The following DCLK1 variants were observed in gnomAD, a reference collection of about 807,000 sequenced individuals.
DCLK1 encodes the protein serine/threonine-protein kinase DCLK1.
A neutral mutation model predicts 86.2 loss-of-function variants in DCLK1; 16 were observed. The ratio of observed to expected loss-of-function variants is 0.19; its 90% CI spans 0.13 to 0.28. The LOEUF (loss-of-function observed/expected upper bound fraction) is 0.28, where lower values mean the gene tolerates loss of function less well. Among genes scored for constraint, DCLK1 ranks in the 10% least tolerant of loss-of-function variants. The pLI, the probability that DCLK1 is intolerant of heterozygous loss-of-function variation, is 1.00. For missense variants in DCLK1, 590 were observed against 940.2 expected, an observed-to-expected ratio of 0.63 and a Z score of 4.87; for synonymous variants, 369 against 370.5, an observed-to-expected ratio of 1.00 and a Z score of 0.05.
Position 35,861,420 on chromosome 13 carries a change from T to C in DCLK1, c.941-6827A>G, listed in dbSNP as rs946802720. Among the ~76,000 whole-genome samples the C allele has an allele frequency of 5.9e-5, 9 of 152,124 alleles. No homozygotes were observed. The South Asian group carries it at 6.2e-4, about 10-fold the overall frequency. On this transcript the variant is annotated intron_variant, in intron 5 of 16. Transcript: ENST00000360631. ...GGATGAGGGTCCTGGGGTTGATCCCTACCAACCAATCGCTGCAGGACAGCT... is the reference window on the plus strand; with the variant it reads ...GGATGAGGGTCCTGGGGTTGATCCCCACCAACCAATCGCTGCAGGACAGCT...
chr13:36,049,655 A>C (rs1243438718), intron 3 of DCLK1, among the ~76,000 whole-genome samples: 1 of 152,142 alleles, frequency 6.6e-6, no homozygotes, highest in Non-Finnish European at 1.5e-5. Flanking sequence ...ATTTTATCCC[A>C]AAGATGGCAA....
At chr13:36,003,344 C>G (rs556726432) in intron 3 of DCLK1, among the ~76,000 whole-genome samples, 46 of 152,274 alleles carry the variant, frequency 3.0e-4, no homozygotes, top group African/African-American at 1.1e-3. Context: ...ACCCAATTTG[C>G]TATCCTTCAT....
At chr13:35,937,629 G>A (rs1452134512) in intron 4 of DCLK1, among the ~76,000 whole-genome samples, 1 of 152,082 alleles carries the variant, frequency 6.6e-6, no homozygotes, top group Non-Finnish European at 1.5e-5. Context: ...TCTTAGGAGG[G>A]ACCAGAAAAA....
chr13:35,910,952 A>T (rs1301376162), intron 4 of DCLK1, among the ~76,000 whole-genome samples: 1 of 152,150 alleles, frequency 6.6e-6, no homozygotes, highest in Non-Finnish European at 1.5e-5. Context: ...GTGAAAAGTC[A>T]TCAGTGGTTT....
intron 3 of DCLK1, among the ~76,000 whole-genome samples, chr13:36,031,565 G>T (rs1031585627): frequency 1.3e-5 from 2 of 152,066 alleles, no homozygotes; most frequent in African/African-American, 4.8e-5. Flanking sequence ...ATTATTTCCT[G>T]GTAATACGTT....
At chr13:36,102,486 T>C (rs2138165321) in intron 3 of DCLK1, among the ~76,000 whole-genome samples, 1 of 152,314 alleles carries the variant, frequency 6.6e-6, no homozygotes, top group South Asian at 2.1e-4. Flanking sequence ...CTATCTTCTT[T>C]CTCCCAGATA....
At chr13:35,829,087 C>G (rs1566555323) in intron 8 of DCLK1, among the ~76,000 whole-genome samples, 1 of 152,190 alleles carries the variant, frequency 6.6e-6, no homozygotes, top group African/African-American at 2.4e-5. Context: ...TGGAAATCCA[C>G]TCACTTCCCA....
chr13:36,007,767 G>T (rs929522817), intron 3 of DCLK1, among the ~76,000 whole-genome samples: 14 of 152,140 alleles, frequency 9.2e-5, no homozygotes, highest in Admixed American at 1.3e-4. Context: ...ATAAGCCATT[G>T]CTGTCTTCAA....
intron 7 of DCLK1, among the ~76,000 whole-genome samples, chr13:35,836,876 G>A (rs1250955007): frequency 6.6e-6 from 1 of 152,016 alleles, no homozygotes; most frequent in Admixed American, 6.6e-5. Flanking sequence ...AATATCTAAG[G>A]CCATAAAACT....
rs1356638627 is a variant in DCLK1 at position 35,967,270 on chromosome 13, G to A, written c.724-19813C>T. Among the ~76,000 whole-genome samples, 179 of 148,378 alleles carry A rather than the reference G, an allele frequency of 1.2e-3. 1 individual carries two copies. The highest frequency in any genetic ancestry group is 7.6e-3 in the Middle Eastern group (2 of 262). On this transcript the variant is annotated intron_variant, in intron 3 of 16. Coordinates refer to ENST00000360631, the MANE Select transcript of DCLK1 (RefSeq NM_001330071.2). ...AGGTTGGGGGCGCCTCTGCCCGGCC[G>A]CCCCGTCTGGGAAGTGAGGAGCCCC...
In DCLK1 at chr13:35,836,132, T is replaced by C; in HGVS notation, c.1130A>G (p.Glu377Gly). The C allele has an allele frequency of 6.2e-7, 1 of 1,611,420 alleles. No individual in the cohort carries two copies. Among genetic ancestry groups the C allele is most frequent in the Non-Finnish European group, 8.5e-7 (1 of 1,179,154 alleles). ...TGTAGCTGGAATCTGGAAGCCTTCC[T>C]CCGACACTTCTGAAAGAATCATTAA... Reference protein sequence around the residue: ...ENDGPGEEVSEEGFQIPATIT... With the variant: ...ENDGPGEEVSGEGFQIPATIT... The change falls in exon 8 of 17, where the codon GAG (glutamate) becomes GGG (glycine). Residue 377 changes from glutamate to glycine, a missense_variant. Around this residue, in one of 6 missense-constraint regions of DCLK1, gnomAD observed 108 missense variants for 195.7 expected, o/e 0.55. Transcript: ENST00000360631.
At chr13:35,962,544 T>A (rs1056611776) in intron 3 of DCLK1, among the ~76,000 whole-genome samples, 1 of 152,196 alleles carries the variant, frequency 6.6e-6, no homozygotes, top group Non-Finnish European at 1.5e-5. Context: ...CAATACATTT[T>A]TGTGTTGAAG....
intron 5 of DCLK1, among the ~76,000 whole-genome samples, chr13:35,855,104 A>T (rs1348182550): frequency 6.6e-6 from 1 of 152,204 alleles, no homozygotes; most frequent in African/African-American, 2.4e-5. Flanking sequence ...CCCTAGGCTG[A>T]TTGTGATGGA....
chr13:36,085,862 T>C (rs1374509568), intron 3 of DCLK1, among the ~76,000 whole-genome samples: 2 of 152,118 alleles, frequency 1.3e-5, no homozygotes, highest in Non-Finnish European at 2.9e-5. Flanking sequence ...GATTCCCCTT[T>C]CTTGGCATTC....
At chr13:35,994,703 G>A (rs964894918) in intron 3 of DCLK1, among the ~76,000 whole-genome samples, 3 of 152,186 alleles carry the variant, frequency 2.0e-5, no homozygotes, top group Non-Finnish European at 4.4e-5. Context: ...GACAAATGTG[G>A]CATGATTTTG....
chr13:35,976,785 C>T (rs377594085), intron 3 of DCLK1, among the ~76,000 whole-genome samples: 6 of 151,940 alleles, frequency 3.9e-5, no homozygotes, highest in Non-Finnish European at 5.9e-5. Context: ...CCGCCCGCCT[C>T]GGCCTCCCAA....
intron 16 of DCLK1, among the ~76,000 whole-genome samples, chr13:35,775,633 A>T (rs1566525254): frequency 6.6e-6 from 1 of 152,202 alleles, no homozygotes; most frequent in Non-Finnish European, 1.5e-5. Flanking sequence ...AAAATATAGA[A>T]CACATATAAA....
chr13:35,875,213 G>A (rs1872527539), intron 4 of DCLK1, among the ~76,000 whole-genome samples: 1 of 152,246 alleles, frequency 6.6e-6, no homozygotes. Flanking sequence ...CATGAGGGCA[G>A]ATGACCAGAA....
chr13:35,929,525 G>T (rs992720328), intron 4 of DCLK1, among the ~76,000 whole-genome samples: 1 of 152,222 alleles, frequency 6.6e-6, no homozygotes, highest in Admixed American at 6.5e-5. Context: ...GTTGGCCCTG[G>T]AGTGCTTTCA....
Sources: gnomAD v4.1 joint callset for allele counts (sites outside exome capture counted in the v4.1 genomes callset) on GRCh38, gnomAD v4.1.1 for gene constraint, gnomAD v4.1.1 regional missense constraint, MANE v1.5 for transcripts, NCBI Gene and HGNC (gene_info 2026-07-23, HGNC 2026-07-21) for gene names.